Variants in ADAM23 observed in about 807,000 individuals in gnomAD.
ADAM23 encodes the protein ADAM metallopeptidase domain 23.
Under a neutral mutation model 120.1 loss-of-function variants are expected in ADAM23, and 33 were observed. The ratio of observed to expected loss-of-function variants is 0.27; its 90% CI spans 0.21 to 0.37. The LOEUF (loss-of-function observed/expected upper bound fraction) is 0.37, where lower values mean the gene tolerates loss of function less well. ADAM23 is among the 10% of genes least tolerant of loss of function. The probability of loss-of-function intolerance (pLI) is 1.00; values close to 1 mark genes in which losing one functional copy is unlikely to be tolerated. For synonymous variants in ADAM23, 367 were observed against 375.2 expected, an observed-to-expected ratio of 0.98 and a Z score of 0.25; for missense variants, 862 against 1,058.2, an observed-to-expected ratio of 0.81 and a Z score of 2.57.
At chr2:206,592,100 T>G (rs1698436517) in intron 21 of ADAM23, among the ~76,000 whole-genome samples, 1 of 152,196 alleles carries the variant, frequency 6.6e-6, no homozygotes, top group African/African-American at 2.4e-5. Flanking sequence ...CCTGTAACCC[T>G]TAGCATGTTG....
At chr2:206,447,968 G>A (rs193111913) in intron 2 of ADAM23, among the ~76,000 whole-genome samples, 3 of 152,306 alleles carry the variant, frequency 2.0e-5, no homozygotes, top group Admixed American at 2.0e-4. Flanking sequence ...TTACTTTATA[G>A]CTGTGAAAGT....
intron 13 of ADAM23, among the ~76,000 whole-genome samples, chr2:206,564,098 TA>T (rs1697827905): frequency 6.6e-6 from 1 of 152,088 alleles, no homozygotes; most frequent in African/African-American, 2.4e-5. Flanking sequence ...ACTTTGAGTT[TA>T]AAAAATCCAT....
intron 2 of ADAM23, among the ~76,000 whole-genome samples, chr2:206,480,658 A>G (rs556084783): frequency 1.4e-4 from 21 of 152,254 alleles, no homozygotes; most frequent in African/African-American, 4.8e-4. Flanking sequence ...AAATAATGAC[A>G]ATATTTATAA....
At chr2:206,487,467 A>T (rs990726551) in intron 3 of ADAM23, among the ~76,000 whole-genome samples, 1 of 152,206 alleles carries the variant, frequency 6.6e-6, no homozygotes. Flanking sequence ...TTCAGATAAC[A>T]TACTTCCATT....
rs535477681 is a variant in ADAM23 at position 206,445,520 on chromosome 2, A to G, written c.428A>G (p.Asn143Ser). ...AAGGCAAGACACCAGCAAAAACATA[A>G]TAAGGTAGGCAGGAGGCTGGCTATG... is the stretch of plus-strand genomic sequence containing the variant. ...DTKARHQQKH[N>S]KAVHLAQASF... is the part of the protein sequence containing the mutation. Residue 143 changes from asparagine to serine, a missense_variant, in exon 2 of 26, where the codon AAT becomes AGT. Physicochemically the swap from Asn to Ser is conservative, Grantham distance 46. This residue lies in a region of ADAM23 where 225 missense variants were observed against 204.0 expected (regional missense o/e 1.10). Transcript: ENST00000264377. The G allele has an allele frequency of 3.1e-6, 5 of 1,612,296 alleles. No homozygotes were observed. Among genetic ancestry groups the G allele is most frequent in the East Asian group, 2.2e-5 (1 of 44,854 alleles).
chr2:206,617,597 G>A lies in ADAM23; in HGVS notation c.2469G>A (p.Arg823=). The change falls in exon 26 of 26, where the codon AGG becomes AGA. Residue 823 remains arginine (R), a synonymous_variant. Coordinates refer to ENST00000264377, the MANE Select transcript of ADAM23 (RefSeq NM_003812.4). The part of the protein sequence containing the change: ...GWGFKNVKKR[R]FDPTQQGPI ...CTGGAAGAAATGTCAAGAAGAGAAG[G>A]TTCGATCCTACTCAGCAAGGCCCCA... The A allele has an allele frequency of 6.2e-7, 1 of 1,610,500 alleles. No individual in the cohort carries two copies. The highest frequency in any genetic ancestry group is 8.5e-7 in the Non-Finnish European group (1 of 1,178,262).
chr2:206,494,802 G>A (rs934833311), intron 3 of ADAM23, among the ~76,000 whole-genome samples: 1 of 152,022 alleles, frequency 6.6e-6, no homozygotes, highest in African/African-American at 2.4e-5. Flanking sequence ...TTTAGCTGAG[G>A]TTAAAAATGT....
chr2:206,489,934 G>A (rs1696096049), intron 3 of ADAM23, among the ~76,000 whole-genome samples: 1 of 152,198 alleles, frequency 6.6e-6, no homozygotes, highest in Non-Finnish European at 1.5e-5. Flanking sequence ...AATGCTGTTT[G>A]TTGAGTAGAA....
intron 2 of ADAM23, among the ~76,000 whole-genome samples, chr2:206,452,115 C>G (rs1011869957): frequency 3.9e-5 from 6 of 152,224 alleles, no homozygotes; most frequent in Non-Finnish European, 2.9e-5. Context: ...AACCCACCTA[C>G]AGGTAAGATG....
chr2:206,471,288 T>C (rs1245689869), intron 2 of ADAM23, among the ~76,000 whole-genome samples: 1 of 152,244 alleles, frequency 6.6e-6, no homozygotes, highest in Non-Finnish European at 1.5e-5. Flanking sequence ...TCATTTTGTA[T>C]TTCAGAATTT....
rs564912901 is a variant in ADAM23 at position 206,576,840 on chromosome 2, G to A, written c.1737+3645G>A. Among the ~76,000 whole-genome samples the A allele has an allele frequency of 3.3e-3, 506 of 152,274 alleles. 3 individuals carry two copies. Among genetic ancestry groups the A allele is most frequent in the African/African-American group, 0.011 (475 of 41,576 alleles). On this transcript the variant is annotated intron_variant, in intron 18 of 25. Transcript: ENST00000264377. ...TCCTTGACAAACAATACTGGTGGAT[G>A]TAATACAGATATTTGAAAGATAGCA... is the stretch of plus-strand genomic sequence containing the variant.
intron 24 of ADAM23, among the ~76,000 whole-genome samples, chr2:206,600,114 A>G (rs1204696387): frequency 6.6e-6 from 1 of 152,198 alleles, no homozygotes; most frequent in Non-Finnish European, 1.5e-5. Context: ...AGGCAGGAGA[A>G]TGGCGTGAAC....
Position 206,554,596 on chromosome 2 carries a change from A to G in ADAM23, c.934-2831A>G, listed in dbSNP as rs566748170. ...CCTAACAAATTTTGAGTTTTCATTAATAATCATGATTTGTTAGGAATATAT... is the reference window on the plus strand; with the variant it reads ...CCTAACAAATTTTGAGTTTTCATTAGTAATCATGATTTGTTAGGAATATAT... On this transcript the variant is annotated intron_variant, in intron 9 of 25. Transcript: ENST00000264377. 3.3e-5 allele frequency among the ~76,000 whole-genome samples: 5 copies of G among 152,318 alleles called. No homozygotes were observed. The East Asian group carries it at 9.6e-4, about 29-fold the overall frequency.
At chr2:206,489,897 C>T (rs527422572) in intron 3 of ADAM23, among the ~76,000 whole-genome samples, 20 of 152,278 alleles carry the variant, frequency 1.3e-4, no homozygotes, top group South Asian at 6.2e-4. Flanking sequence ...GAGGAAAACA[C>T]GGAAGGTCCC....
chr2:206,543,051 T>A (rs574505985), intron 5 of ADAM23, among the ~76,000 whole-genome samples: 1 of 152,226 alleles, frequency 6.6e-6, no homozygotes, highest in Non-Finnish European at 1.5e-5. Context: ...TTATAATTTT[T>A]ATAGCCTCCA....
intron 18 of ADAM23, among the ~76,000 whole-genome samples, chr2:206,573,828 T>A (rs201998236): frequency 1.3e-5 from 2 of 151,832 alleles, no homozygotes; most frequent in African/African-American, 2.4e-5. Context: ...TTTTTTTTTT[T>A]AAGAAACATC....
At chr2:206,507,015 G>C (rs1280577491) in intron 3 of ADAM23, among the ~76,000 whole-genome samples, 2 of 152,204 alleles carry the variant, frequency 1.3e-5, no homozygotes, top group Non-Finnish European at 2.9e-5. Flanking sequence ...TGTTGGATTG[G>C]ATTGTACCTT....
At chr2:206,588,426 A>T (rs540721810) in intron 20 of ADAM23, among the ~76,000 whole-genome samples, 1 of 152,300 alleles carries the variant, frequency 6.6e-6, no homozygotes, top group African/African-American at 2.4e-5. Context: ...GATTGGGTTG[A>T]GTACAGTGTG....
chr2:206,567,995 C>T (rs1226319944), intron 15 of ADAM23, among the ~76,000 whole-genome samples: 1 of 152,130 alleles, frequency 6.6e-6, no homozygotes, highest in African/African-American at 2.4e-5. Context: ...GGGGAAACCG[C>T]CCCCATGATT....
Sources: allele counts gnomAD v4.1 joint callset (sites outside exome capture counted in the v4.1 genomes callset), GRCh38; gene constraint gnomAD v4.1.1; regional missense constraint gnomAD v4.1.1; transcripts MANE v1.5; gene names NCBI Gene and HGNC (gene_info 2026-07-23, HGNC 2026-07-21).